Variants in PTPRE observed in about 807,000 individuals in gnomAD.
PTPRE encodes protein tyrosine phosphatase receptor type E.
In PTPRE, 51 loss-of-function variants were observed where a neutral mutation model predicts 102.0. The observed-to-expected ratio is 0.50, with a 90% CI of 0.40 to 0.63. The LOEUF is 0.63. Among genes scored for constraint, PTPRE ranks in the 30% least tolerant of loss-of-function variants. PTPRE has a pLI of 0.00. For missense variants in PTPRE, 752 were observed against 915.1 expected, an observed-to-expected ratio of 0.82 and a Z score of 2.30; for synonymous variants, 345 against 348.2, an observed-to-expected ratio of 0.99 and a Z score of 0.10.
intron 1 of PTPRE, among the ~76,000 whole-genome samples, chr10:127,911,879 AT>A (rs34136371): frequency 5.0e-4 from 75 of 148,932 alleles, no homozygotes; most frequent in African/African-American, 1.5e-3. Flanking sequence ...TGTCACTAGG[AT>A]TTTTTTTTTT....
At chr10:127,980,368 T>C (rs1231147169) in intron 1 of PTPRE, among the ~76,000 whole-genome samples, 1 of 151,828 alleles carries the variant, frequency 6.6e-6, no homozygotes, top group African/African-American at 2.4e-5. Context: ...AGTAACTTTA[T>C]ACCTTGTGAC....
At chr10:127,994,123 G>T (rs1229897789) in intron 2 of PTPRE, among the ~76,000 whole-genome samples, 2 of 152,148 alleles carry the variant, frequency 1.3e-5, no homozygotes, top group Non-Finnish European at 2.9e-5. Context: ...CAAGCATGAG[G>T]GGCTCTCTTC....
chr10:127,997,445 C>T (rs887434924), intron 2 of PTPRE, among the ~76,000 whole-genome samples: 51 of 152,208 alleles, frequency 3.4e-4, no homozygotes, highest in African/African-American at 1.1e-3. Context: ...AGAGGACCAG[C>T]GTCGTGGAGT....
chr10:127,958,847 T>G (rs1355775923), intron 1 of PTPRE, among the ~76,000 whole-genome samples: 1 of 151,990 alleles, frequency 6.6e-6, no homozygotes, highest in Non-Finnish European at 1.5e-5. Context: ...GATTATTAAT[T>G]ATTTATTTAT....
intron 2 of PTPRE, among the ~76,000 whole-genome samples, chr10:128,018,465 T>C (rs546746137): frequency 6.6e-6 from 1 of 152,340 alleles, no homozygotes; most frequent in African/African-American, 2.4e-5. Context: ...CCAATCAAAA[T>C]AGGTCTTACT....
intron 11 of PTPRE, among the ~76,000 whole-genome samples, chr10:128,066,742 C>T (rs4750683): frequency 2.0e-5 from 3 of 152,152 alleles, no homozygotes; most frequent in Non-Finnish European, 2.9e-5. Context: ...TTTAAAGATA[C>T]AGTCATTGGC....
intron 10 of PTPRE, among the ~76,000 whole-genome samples, chr10:128,065,052 G>A (rs902888383): frequency 3.9e-5 from 6 of 152,216 alleles, no homozygotes; most frequent in Non-Finnish European, 8.8e-5. Flanking sequence ...CCCAAACCGG[G>A]ACATGTAGGC....
At chr10:128,019,934 T>C (rs964566089) in intron 2 of PTPRE, among the ~76,000 whole-genome samples, 2 of 152,224 alleles carry the variant, frequency 1.3e-5, no homozygotes, top group Admixed American at 6.5e-5. Context: ...GTGATTGTTA[T>C]TAAGTTCTCA....
chr10:127,927,010 C>T (rs1399795944), intron 1 of PTPRE, among the ~76,000 whole-genome samples: 2 of 151,878 alleles, frequency 1.3e-5, no homozygotes, highest in East Asian at 3.9e-4. Flanking sequence ...TGGGGTTTCA[C>T]TGTGTTGGCC....
At chr10:128,029,465 A>G (rs779083331) in intron 2 of PTPRE, among the ~76,000 whole-genome samples, 3 of 152,146 alleles carry the variant, frequency 2.0e-5, no homozygotes, top group Non-Finnish European at 4.4e-5. Context: ...CTCTCAGCCC[A>G]GACACCACCC....
Position 128,083,865 on chromosome 10 carries a change from CAGT to C in PTPRE, c.*962_*964del, listed in dbSNP as rs1851908452. 1 of 152,186 alleles carries C rather than the reference CAGT, an allele frequency of 6.6e-6. No homozygotes were observed. The highest frequency in any genetic ancestry group is 2.4e-5 in the African/African-American group (1 of 41,440). The allele number at this position is 152,186 out of a possible 1,614,324, so 9.4% of individuals were successfully genotyped here. ...AGAGGAGCACACATTAGGATAGAAA[CAGT>C]AGAATAACCACGGGCAATTAAACTT... On this transcript the variant is annotated 3_prime_UTR_variant, in exon 21 of 21. Transcript: ENST00000254667.
At chr10:127,989,247 G>A (rs1852397817) in intron 2 of PTPRE, among the ~76,000 whole-genome samples, 1 of 152,054 alleles carries the variant, frequency 6.6e-6, no homozygotes, top group Non-Finnish European at 1.5e-5. Flanking sequence ...TGTTGCTGCT[G>A]AGAAATGAAT....
rs114584989 is a variant in PTPRE at position 128,018,769 on chromosome 10, G to T, written c.-7-22106G>T. On this transcript the variant is annotated intron_variant, in intron 2 of 20. Transcript: ENST00000254667. ...AAACCAAGACAGCCAGAAAATGGGG[G>T]CTTCTCAGCCTAGTGGGGAGTACTG... Among the ~76,000 whole-genome samples, 1,011 of 152,238 alleles carry T rather than the reference G, an allele frequency of 6.6e-3. 8 individuals are homozygous for T. Among genetic ancestry groups the T allele is most frequent in the African/African-American group, 0.023 (968 of 41,530 alleles).
chr10:127,986,252 G>A (rs768952298), intron 2 of PTPRE, among the ~76,000 whole-genome samples: 13 of 152,140 alleles, frequency 8.5e-5, no homozygotes, highest in East Asian at 7.7e-4. Flanking sequence ...ACTGTAGTTC[G>A]TATCAGTGAT....
chr10:127,982,792 G>T (rs1564847694), intron 2 of PTPRE, among the ~76,000 whole-genome samples: 1 of 152,064 alleles, frequency 6.6e-6, no homozygotes, highest in East Asian at 1.9e-4. Context: ...CAGTGGTGTC[G>T]CATAATTTTA....
chr10:128,007,616 G>T (rs1844608935), intron 2 of PTPRE, among the ~76,000 whole-genome samples: 1 of 152,228 alleles, frequency 6.6e-6, no homozygotes, highest in Non-Finnish European at 1.5e-5. Flanking sequence ...TGACCCTGGA[G>T]ATGTGGGTTT....
chr10:127,958,557 G>A (rs1265655159), intron 1 of PTPRE, among the ~76,000 whole-genome samples: 1 of 152,128 alleles, frequency 6.6e-6, no homozygotes, highest in Admixed American at 6.5e-5. Flanking sequence ...CTTGGTTATG[G>A]TGAATACTTA....
intron 18 of PTPRE, 31 bp from the exon 19 acceptor site, chr10:128,077,586 G>GCGA: frequency 6.3e-7 from 1 of 1,579,526 alleles, no homozygotes. Context: ...CGGCAGGCAG[G>GCGA]CGACGCTGAG....
chr10:128,071,896 A>G, intron 15 of PTPRE: 1 of 490,140 alleles, frequency 2.0e-6, no homozygotes. Context: ...TTTGGTATGT[A>G]TTATATCGAT....
Sources: allele counts gnomAD v4.1 joint callset (sites outside exome capture counted in the v4.1 genomes callset), GRCh38; gene constraint gnomAD v4.1.1; transcripts MANE v1.5; gene names NCBI Gene and HGNC (gene_info 2026-07-23, HGNC 2026-07-21).